LIPA: variants seen among roughly 807,000 people sequenced by gnomAD.
The protein encoded by LIPA is lipase A, lysosomal acid type.
Under a neutral mutation model 40.6 loss-of-function variants are expected in LIPA, and 26 were observed. That is an observed-to-expected ratio of 0.64 (90% CI 0.47 to 0.89). The LOEUF (loss-of-function observed/expected upper bound fraction) is 0.89, where lower values mean the gene tolerates loss of function less well. LIPA is among the 40% of genes least tolerant of loss of function. LIPA has a pLI of 0.00. For synonymous variants in LIPA, 188 were observed against 168.4 expected, an observed-to-expected ratio of 1.12 and a Z score of -0.90; for missense variants, 455 against 479.6, an observed-to-expected ratio of 0.95 and a Z score of 0.48.
At chr10:89,274,762 G>A (rs971043664) in intron 1 of LIPA, among the ~76,000 whole-genome samples, 5 of 152,160 alleles carry the variant, frequency 3.3e-5, no homozygotes, top group Non-Finnish European at 5.9e-5. Context: ...TGGAATTTCC[G>A]TGTCTGATGG....
chr10:89,338,847 T>C (rs1843793307), intron 1 of LIPA: 1 of 1,614,120 alleles, frequency 6.2e-7, no homozygotes, highest in African/African-American at 1.3e-5. Context: ...AACACCTAGA[T>C]GGTAACAACG....
chr10:89,218,669 T>C (rs1015345402), intron 8 of LIPA, among the ~76,000 whole-genome samples: 2 of 152,042 alleles, frequency 1.3e-5, no homozygotes, highest in African/African-American at 4.8e-5. Context: ...GACATGGAGG[T>C]GACCGGGCTG....
intron 2 of LIPA, among the ~76,000 whole-genome samples, chr10:89,411,838 C>G (rs530017921): frequency 6.6e-6 from 1 of 152,354 alleles, no homozygotes; most frequent in African/African-American, 2.4e-5. Flanking sequence ...CAACACCTTT[C>G]AAACTCTTAT....
intron 3 of LIPA, among the ~76,000 whole-genome samples, chr10:89,236,484 G>A (rs1216504441): frequency 6.6e-6 from 1 of 152,140 alleles, no homozygotes; most frequent in Admixed American, 6.5e-5. Context: ...CATAAACCTT[G>A]AATAACACCA....
At chr10:89,403,238 G>A in intron 2 of LIPA, 14 of 1,614,128 alleles carry the variant, frequency 8.7e-6, no homozygotes, top group Non-Finnish European at 1.2e-5. Flanking sequence ...TAGACAAAAT[G>A]ATAAGATCAG....
In LIPA at chr10:89,228,219, C is replaced by A. The variant is rs1287954737; in HGVS notation, c.409G>T (p.Asp137Tyr). 1 of 1,614,016 alleles carries A rather than the reference C, an allele frequency of 6.2e-7. No homozygotes were observed. Among genetic ancestry groups the A allele is most frequent in the East Asian group, 2.2e-5 (1 of 44,888 alleles). ...RKHKTLSVSQ[D>Y]EFWAFSYDEM... The stretch of plus-strand genomic sequence containing the variant: ...ATATACCTGAAAGCCCAGAATTCAT[C>A]CTGAGAAACTGAGAGTGTCTTATGT... Residue 137 changes from aspartate (D) to tyrosine (Y), a missense_variant, in exon 4 of 10, where the codon GAT (aspartate) becomes TAT (tyrosine). By Grantham distance (160) the Asp-to-Tyr change is radical. Coordinates refer to ENST00000336233, the MANE Select transcript of LIPA (RefSeq NM_000235.4).
chr10:89,346,891 C>T (rs17119791), upstream of LIPA, among the ~76,000 whole-genome samples: 10,540 of 152,214 alleles, frequency 0.069, 917 homozygotes, highest in African/African-American at 0.2. Flanking sequence ...TAGGAAATTG[C>T]GTAGGTTGGA....
chr10:89,222,601 G>A lies in LIPA; in HGVS notation c.823-19C>T. ...CTCTAGACTGCAAAATAAATACATT[G>A]AAATGAAGAATGAAAACAGCATTAA... is the stretch of plus-strand genomic sequence containing the variant. On this transcript the variant is annotated intron_variant, in intron 7 of 9. Transcript: ENST00000336233. 1 of 1,445,390 alleles carries A rather than the reference G, an allele frequency of 6.9e-7. No homozygotes were observed. Among genetic ancestry groups the A allele is most frequent in the Non-Finnish European group, 9.7e-7 (1 of 1,026,534 alleles). The allele number at this position is 1,445,390 out of a possible 1,614,324, so 89.5% of individuals were successfully genotyped here. A position where few individuals can be genotyped will look rare whatever the true frequency, so the allele number is the denominator to read the frequency against.
At chr10:89,282,598 C>A (rs1843321695) in intron 1 of LIPA, among the ~76,000 whole-genome samples, 1 of 152,074 alleles carries the variant, frequency 6.6e-6, no homozygotes, top group African/African-American at 2.4e-5. Context: ...CGAGATCGTG[C>A]CATTGCACTC....
chr10:89,292,557 C>T (rs767348039), intron 1 of LIPA: 1 of 152,166 alleles, frequency 6.6e-6, no homozygotes, highest in South Asian at 2.1e-4. Context: ...TAATAACTAA[C>T]CCTTATTGGG....
At chr10:89,402,472 G>C in intron 2 of LIPA, 1 of 1,614,148 alleles carries the variant, frequency 6.2e-7, no homozygotes. Flanking sequence ...CACCTGAAAG[G>C]CCAGAATGAG....
chr10:89,234,839 T>C (rs1231802189), intron 3 of LIPA, among the ~76,000 whole-genome samples: 1 of 152,238 alleles, frequency 6.6e-6, no homozygotes, highest in Non-Finnish European at 1.5e-5. Flanking sequence ...TGCACGCTTG[T>C]ATGCTGTAGG....
intron 1 of LIPA, among the ~76,000 whole-genome samples, chr10:89,319,656 C>T (rs569598823): frequency 1.3e-5 from 2 of 152,304 alleles, no homozygotes; most frequent in South Asian, 4.1e-4. Context: ...GGTACCATTC[C>T]TTCTGAAACT....
upstream of LIPA, among the ~76,000 whole-genome samples, chr10:89,342,856 G>A (rs918633820): frequency 2.0e-5 from 3 of 152,230 alleles, no homozygotes; most frequent in African/African-American, 7.2e-5. Context: ...ACTGGATGCT[G>A]CTTTTGTAAT....
chr10:89,363,797 G>C (rs947881084), intron 2 of LIPA, among the ~76,000 whole-genome samples: 5 of 146,398 alleles, frequency 3.4e-5, no homozygotes, highest in Admixed American at 1.4e-4. Context: ...AAAAAAGCGA[G>C]GGGGGGCGGG....
intron 2 of LIPA, among the ~76,000 whole-genome samples, chr10:89,366,485 A>G (rs1589623186): frequency 6.6e-6 from 1 of 152,180 alleles, no homozygotes; most frequent in Admixed American, 6.5e-5. Context: ...TTACAAATTT[A>G]TAAGAAAAAA....
upstream of LIPA, chr10:89,251,965 T>C (rs371133143): frequency 2.4e-4 from 37 of 152,888 alleles, no homozygotes; most frequent in African/African-American, 7.9e-4. Flanking sequence ...GTTGACCCCA[T>C]AGAGCATGCG....
intron 1 of LIPA, among the ~76,000 whole-genome samples, chr10:89,337,979 A>G (rs914390077): frequency 8.5e-5 from 13 of 152,212 alleles, no homozygotes; most frequent in Non-Finnish European, 1.8e-4. Flanking sequence ...TTTAGTATAA[A>G]ATAGGCTTTG....
intron 3 of LIPA, among the ~76,000 whole-genome samples, chr10:89,240,869 G>C (rs1842957174): frequency 1.3e-5 from 2 of 152,178 alleles, no homozygotes; most frequent in African/African-American, 4.8e-5. Context: ...GGCTGCAGGA[G>C]CATGCTTGGG....
Sources: allele counts gnomAD v4.1 joint callset (sites outside exome capture counted in the v4.1 genomes callset), GRCh38; gene constraint gnomAD v4.1.1; transcripts MANE v1.5; gene names NCBI Gene and HGNC (gene_info 2026-07-23, HGNC 2026-07-21).